CAMK2B: variants seen among roughly 807,000 people sequenced by gnomAD.
CAMK2B encodes the protein calcium/calmodulin-dependent protein kinase type II subunit beta.
A neutral mutation model predicts 93.7 loss-of-function variants in CAMK2B; 27 were observed. The observed-to-expected ratio is 0.29, with a 90% CI of 0.21 to 0.40. The LOEUF (loss-of-function observed/expected upper bound fraction) is 0.40, where lower values mean the gene tolerates loss of function less well. CAMK2B is among the 10% of genes least tolerant of loss of function. The pLI is 1.00. For missense variants in CAMK2B, 568 were observed against 895.8 expected (o/e 0.63, Z 4.67); for synonymous variants, 374 against 358.8 (o/e 1.04, Z -0.48).
intron 2 of CAMK2B, chr7:44,267,001 C>G (rs1584401979): frequency 1.3e-5 from 2 of 152,324 alleles, no homozygotes; most frequent in South Asian, 2.1e-4. Context: ...CACGGCACCT[C>G]TACGTGCACA....
chr7:44,256,341 G>A (rs1220920866), intron 4 of CAMK2B, among the ~76,000 whole-genome samples: 2 of 152,006 alleles, frequency 1.3e-5, no homozygotes, highest in Middle Eastern at 3.2e-3. Flanking sequence ...GCTTGTGCAT[G>A]TGAGCACATG....
intron 3 of CAMK2B, among the ~76,000 whole-genome samples, chr7:44,260,158 C>T (rs1290571528): frequency 6.6e-6 from 1 of 152,152 alleles, no homozygotes; most frequent in East Asian, 1.9e-4. Context: ...TAAGACGTAG[C>T]CACCTTCTCC....
At chr7:44,246,581 T>G (rs2096732811) in intron 6 of CAMK2B, among the ~76,000 whole-genome samples, 3 of 152,144 alleles carry the variant, frequency 2.0e-5, no homozygotes, top group Non-Finnish European at 2.9e-5. Flanking sequence ...CACACGTGCA[T>G]GCACACATGC....
In CAMK2B at chr7:44,312,470, G is replaced by A. The variant is rs1793807006; in HGVS notation, c.65+12887C>T. On this transcript the variant is annotated intron_variant, in intron 1 of 23. Coordinates refer to ENST00000395749, the MANE Select transcript of CAMK2B (RefSeq NM_001220.5). The surrounding 1 kb of genome is among the most constrained non-coding windows in gnomAD (Gnocchi z 4.1). The stretch of plus-strand genomic sequence containing the variant: ...CTTTAAGTGAAAGGAGAAAGGAGAG[G>A]GAGGAAGAGGGAGGGAAGGAGGGGA... Among the ~76,000 whole-genome samples the A allele has an allele frequency of 6.6e-6, 1 of 152,124 alleles. No individual in the cohort carries two copies. The highest frequency in any genetic ancestry group is 1.5e-5 in the Non-Finnish European group (1 of 68,014).
chr7:44,306,654 T>C (rs988693868), intron 1 of CAMK2B, among the ~76,000 whole-genome samples: 1 of 152,174 alleles, frequency 6.6e-6, no homozygotes, highest in African/African-American at 2.4e-5. Flanking sequence ...TGGTGGATTA[T>C]GCAGATAATG....
chr7:44,296,746 A>C (rs903300134), intron 1 of CAMK2B, among the ~76,000 whole-genome samples: 1 of 152,230 alleles, frequency 6.6e-6, no homozygotes, highest in African/African-American at 2.4e-5. Context: ...TCTCAAGCTC[A>C]CAAGAGGAGA....
At chr7:44,263,151 G>T (rs1274277232) in intron 2 of CAMK2B, 87 bp from the exon 3 acceptor site, 2 of 1,258,582 alleles carry the variant, frequency 1.6e-6, no homozygotes, top group Non-Finnish European at 1.1e-6. Flanking sequence ...GCCCACAAGG[G>T]TGTGCCAGGG....
intron 1 of CAMK2B, among the ~76,000 whole-genome samples, chr7:44,313,154 C>T (rs1465878507): frequency 6.6e-6 from 1 of 152,130 alleles, no homozygotes; most frequent in Non-Finnish European, 1.5e-5. Context: ...CCAGCCTCCA[C>T]CCACCTCCCG....
chr7:44,261,799 C>T (rs929803879), intron 3 of CAMK2B, among the ~76,000 whole-genome samples: 1 of 152,130 alleles, frequency 6.6e-6, no homozygotes, highest in Non-Finnish European at 1.5e-5. Context: ...AAACAGTAAG[C>T]AAATAACACT....
Position 44,228,824 on chromosome 7 carries a change from C to T in CAMK2B, c.1440G>A (p.Pro480=), listed in dbSNP as rs753776898. Residue 480 remains proline (P), a synonymous_variant, in exon 19 of 24, where the codon CCG becomes CCA. Transcript: ENST00000395749. ...GGGAGGACAGGGGGCCTAGGAGAGC[C>T]GGAGACAGGCAGGGCGGGGGCCCCG... ...LSAGPPPCLS[P]ALLGPLSSPS... is the part of the protein sequence containing the mutation. The T allele has an allele frequency of 1.6e-5, 24 of 1,538,258 alleles. No homozygotes were observed. The highest frequency in any genetic ancestry group is 4.6e-5 in the East Asian group (2 of 43,414).
At chr7:44,235,966 A>G (rs1472686393) in intron 13 of CAMK2B, among the ~76,000 whole-genome samples, 2 of 151,900 alleles carry the variant, frequency 1.3e-5, no homozygotes, top group African/African-American at 4.8e-5. Flanking sequence ...GCGCTTCTCA[A>G]ATGGGATCCT....
chr7:44,292,945 C>T (rs1297750625), intron 1 of CAMK2B, among the ~76,000 whole-genome samples: 1 of 152,240 alleles, frequency 6.6e-6, no homozygotes, highest in African/African-American at 2.4e-5. Flanking sequence ...TTGACGGCTC[C>T]AGCCCACAGC....
intron 1 of CAMK2B, among the ~76,000 whole-genome samples, chr7:44,295,116 C>T (rs1462495082): frequency 1.3e-5 from 2 of 152,214 alleles, no homozygotes; most frequent in African/African-American, 4.8e-5. Flanking sequence ...ACATATTACA[C>T]AGGGTTGATG....
At chr7:44,232,550 G>T (rs1453559114) in intron 16 of CAMK2B, among the ~76,000 whole-genome samples, 3 of 152,210 alleles carry the variant, frequency 2.0e-5, no homozygotes, top group Admixed American at 6.5e-5. Flanking sequence ...CCTGCCGTAG[G>T]TGGGACACGC....
intron 2 of CAMK2B, among the ~76,000 whole-genome samples, chr7:44,270,332 G>A (rs1186218333): frequency 6.6e-6 from 1 of 152,150 alleles, no homozygotes; most frequent in African/African-American, 2.4e-5. Flanking sequence ...GGAGGGATGG[G>A]CCAGAAGCTG....
intron 5 of CAMK2B, 66 bp downstream of exon 5, chr7:44,254,476 G>A (rs2096813473): frequency 8.6e-7 from 1 of 1,159,370 alleles, no homozygotes; most frequent in East Asian, 2.4e-5. Context: ...AGCAGGAGTG[G>A]GTGAAGGAGG....
intron 6 of CAMK2B, chr7:44,245,155 T>C (rs1387121954): frequency 2.8e-6 from 1 of 358,254 alleles, no homozygotes; most frequent in African/African-American, 2.1e-5. Context: ...TAAGTGAACA[T>C]GGACCGTAGG....
chr7:44,276,053 G>A (rs2097033588), intron 2 of CAMK2B, among the ~76,000 whole-genome samples: 1 of 152,150 alleles, frequency 6.6e-6, no homozygotes, highest in Non-Finnish European at 1.5e-5. Flanking sequence ...AGCCACCCAG[G>A]GAGGTTAGGG....
intron 5 of CAMK2B, among the ~76,000 whole-genome samples, chr7:44,250,169 G>A (rs1004659968): frequency 6.6e-5 from 10 of 152,220 alleles, no homozygotes; most frequent in Admixed American, 1.3e-4. Context: ...CAACCACCTG[G>A]CCTGGGACAG....
Sources: allele counts gnomAD v4.1 joint callset (sites outside exome capture counted in the v4.1 genomes callset), GRCh38; gene constraint gnomAD v4.1.1; non-coding constraint Gnocchi (gnomAD v3.1); transcripts MANE v1.5; gene names NCBI Gene and HGNC (gene_info 2026-07-23, HGNC 2026-07-21).